Variants in ADAMTS19 observed in about 807,000 individuals in gnomAD.
ADAMTS19 encodes A disintegrin and metalloproteinase with thrombospondin motifs 19.
A neutral mutation model predicts 153.3 loss-of-function variants in ADAMTS19; 93 were observed. The observed-to-expected ratio is 0.61, with a 90% CI of 0.51 to 0.72. The LOEUF is 0.72. Ranked by LOEUF, ADAMTS19 falls within the 30% of genes least tolerant of loss-of-function variation. The pLI is 0.00. For synonymous variants in ADAMTS19, 600 were observed against 556.6 expected (o/e 1.08, Z -1.10); for missense variants, 1,482 against 1,552.1 (o/e 0.95, Z 0.76).
intron 7 of ADAMTS19, among the ~76,000 whole-genome samples, chr5:129,585,039 GGCAACTCCTGCTCTGCGGGTT>G (rs1228143070): frequency 6.6e-6 from 1 of 152,098 alleles, no homozygotes; most frequent in African/African-American, 2.4e-5. Flanking sequence ...GGCACCTGTG[GGCAACTCCTGCTCTGCGGGTT>G]GCAAAGACAG....
chr5:129,558,459 A>G (rs1753390415), intron 7 of ADAMTS19, among the ~76,000 whole-genome samples: 1 of 152,142 alleles, frequency 6.6e-6, no homozygotes, highest in African/African-American at 2.4e-5. Context: ...ACAAATATGT[A>G]AGACATATGG....
chr5:129,716,768 C>T (rs1233844703), intron 21 of ADAMTS19, among the ~76,000 whole-genome samples: 1 of 152,092 alleles, frequency 6.6e-6, no homozygotes, highest in Non-Finnish European at 1.5e-5. Context: ...GCATACTCCT[C>T]CTCCCACAGC....
chr5:129,486,947 TGA>T (rs1025986145), intron 2 of ADAMTS19, among the ~76,000 whole-genome samples: 2 of 152,182 alleles, frequency 1.3e-5, no homozygotes, highest in African/African-American at 4.8e-5. Context: ...AAATAACCAC[TGA>T]GTGTGCATGC....
chr5:129,689,392 G>T (rs569532748), intron 18 of ADAMTS19, among the ~76,000 whole-genome samples: 1 of 152,198 alleles, frequency 6.6e-6, no homozygotes, highest in African/African-American at 2.4e-5. Flanking sequence ...TAACAGGAAA[G>T]AACATCTATA....
intron 2 of ADAMTS19, among the ~76,000 whole-genome samples, chr5:129,505,934 A>G (rs986311579): frequency 2.0e-5 from 3 of 152,174 alleles, no homozygotes; most frequent in Admixed American, 6.6e-5. Context: ...TAGATAGTGC[A>G]TTGTGTCATA....
At chr5:129,706,387 T>G (rs986885238) in intron 21 of ADAMTS19, among the ~76,000 whole-genome samples, 1 of 152,020 alleles carries the variant, frequency 6.6e-6, no homozygotes, top group Non-Finnish European at 1.5e-5. Flanking sequence ...CTGGCCAACA[T>G]GGAGAAACCC....
intron 8 of ADAMTS19, among the ~76,000 whole-genome samples, chr5:129,600,416 C>T (rs1750591574): frequency 6.6e-6 from 1 of 151,690 alleles, no homozygotes; most frequent in East Asian, 1.9e-4. Context: ...CTGCAACTTA[C>T]AATCTTAGAA....
intron 7 of ADAMTS19, among the ~76,000 whole-genome samples, chr5:129,567,240 A>C (rs944977549): frequency 6.6e-6 from 1 of 152,188 alleles, no homozygotes; most frequent in Non-Finnish European, 1.5e-5. Flanking sequence ...TTTATGCTAA[A>C]AAAATTAACA....
chr5:129,472,612 A>G (rs1044536529), intron 2 of ADAMTS19, among the ~76,000 whole-genome samples: 2 of 152,158 alleles, frequency 1.3e-5, no homozygotes, highest in Non-Finnish European at 1.5e-5. Context: ...CCACTCTTCA[A>G]ATAAAAAGAA....
Position 129,461,824 on chromosome 5 carries a change from A to T in ADAMTS19, c.747+67A>T. ...CTCCTCTCCTTGCCCATAGGTCAGG[A>T]TGATTTGCATGCACCTTCTCCCCTT... On this transcript the variant is annotated intron_variant, in intron 2 of 22. Transcript: ENST00000274487. The surrounding 1 kb of genome is among the most constrained non-coding windows in gnomAD (Gnocchi z 4.6). 6.9e-7 allele frequency: 1 copy of T among 1,453,562 alleles called. No individual in the cohort carries two copies. The highest frequency in any genetic ancestry group is 9.0e-7 in the Non-Finnish European group (1 of 1,111,546). 90.0% of individuals were successfully genotyped at this position (1,453,562 alleles called of 1,614,324 possible). A position where few individuals can be genotyped will look rare whatever the true frequency, so the allele number is the denominator to read the frequency against.
intron 2 of ADAMTS19, among the ~76,000 whole-genome samples, chr5:129,463,447 A>G (rs1749755151): frequency 6.6e-6 from 1 of 152,232 alleles, no homozygotes; most frequent in Non-Finnish European, 1.5e-5. Context: ...AGTTTGACAT[A>G]CATCCCTGTT....
chr5:129,733,027 C>T (rs1279389843), intron 21 of ADAMTS19, among the ~76,000 whole-genome samples: 1 of 151,824 alleles, frequency 6.6e-6, no homozygotes, highest in Non-Finnish European at 1.5e-5. Context: ...AACTGATCTT[C>T]AACAGAGTCA....
At chr5:129,707,304 G>T (rs1756208370) in intron 21 of ADAMTS19, among the ~76,000 whole-genome samples, 1 of 152,130 alleles carries the variant, frequency 6.6e-6, no homozygotes, top group Admixed American at 6.5e-5. Context: ...TTTGCTTGTT[G>T]GCCTGTTTGT....
chr5:129,466,754 G>A (rs1262604181), intron 2 of ADAMTS19, among the ~76,000 whole-genome samples: 1 of 152,110 alleles, frequency 6.6e-6, no homozygotes, highest in African/African-American at 2.4e-5. Context: ...GCCGTTATAC[G>A]CTACCTATCA....
intron 18 of ADAMTS19, among the ~76,000 whole-genome samples, chr5:129,687,226 G>T (rs939163923): frequency 6.6e-6 from 1 of 152,142 alleles, no homozygotes; most frequent in Non-Finnish European, 1.5e-5. Flanking sequence ...CTTGTGGTTG[G>T]GGGGCAGGCA....
At chr5:129,645,885 ATTTTTTTT>A (rs529444004) in intron 11 of ADAMTS19, among the ~76,000 whole-genome samples, 2 of 97,104 alleles carry the variant, frequency 2.1e-5, no homozygotes, top group East Asian at 7.0e-4. Flanking sequence ...TCCTTTTCCA[ATTTTTTTT>A]TTTTTTTTTT....
intron 7 of ADAMTS19, among the ~76,000 whole-genome samples, chr5:129,594,859 T>C (rs1368258859): frequency 1.3e-5 from 2 of 152,126 alleles, no homozygotes; most frequent in Non-Finnish European, 2.9e-5. Context: ...TTTGTCTTAA[T>C]TTAACCTTGA....
chr5:129,527,376 T>G (rs866815069), intron 4 of ADAMTS19, among the ~76,000 whole-genome samples: 47 of 137,776 alleles, frequency 3.4e-4, no homozygotes, highest in Middle Eastern at 3.6e-3. Context: ...GGGAACAGAG[T>G]TTTTTTTTTT....
intron 21 of ADAMTS19, among the ~76,000 whole-genome samples, chr5:129,714,579 G>A (rs1410980644): frequency 1.3e-5 from 2 of 152,094 alleles, no homozygotes; most frequent in African/African-American, 2.4e-5. Flanking sequence ...GTGGAGTGAG[G>A]GATATCAGGG....
Sources: allele counts gnomAD v4.1 joint callset (sites outside exome capture counted in the v4.1 genomes callset), GRCh38; gene constraint gnomAD v4.1.1; non-coding constraint Gnocchi (gnomAD v3.1); transcripts MANE v1.5; gene names NCBI Gene and HGNC (gene_info 2026-07-23, HGNC 2026-07-21).